Variants in HHLA2 observed in about 807,000 individuals in gnomAD.
The protein encoded by HHLA2 is HHLA2 member of B7 family, also known as HERV-H LTR-associating protein 2.
A neutral mutation model predicts 45.9 loss-of-function variants in HHLA2; 48 were observed. The observed-to-expected ratio is 1.05, with a 90% CI of 0.83 to 1.33. HHLA2 has a LOEUF of 1.33. HHLA2 is among the 40% of genes most tolerant of loss of function. HHLA2 has a pLI of 0.00. For synonymous variants in HHLA2, 161 were observed against 173.9 expected, an observed-to-expected ratio of 0.93 and a Z score of 0.59; for missense variants, 462 against 494.3, an observed-to-expected ratio of 0.93 and a Z score of 0.62.
chr3:108,301,814 C>G (rs2080853785), intron 1 of HHLA2, among the ~76,000 whole-genome samples: 1 of 152,126 alleles, frequency 6.6e-6, no homozygotes, highest in Non-Finnish European at 1.5e-5. Flanking sequence ...TCACTTCTTC[C>G]TGCTTGCTAC....
chr3:108,305,279 G>A (rs1349115447), intron 1 of HHLA2, among the ~76,000 whole-genome samples: 1 of 152,160 alleles, frequency 6.6e-6, no homozygotes, highest in African/African-American at 2.4e-5. Flanking sequence ...GCAAGGCAAG[G>A]GAAGATGGGC....
chr3:108,340,874 G>T (rs2081553319), intron 3 of HHLA2, among the ~76,000 whole-genome samples: 1 of 144,200 alleles, frequency 6.9e-6, no homozygotes, highest in African/African-American at 2.6e-5. Context: ...GTCCTGGAGA[G>T]TAAAATAGCC....
At chr3:108,377,841 T>A (rs2082301001) in exon 11 of HHLA2, 1 of 152,456 alleles carries the variant, frequency 6.6e-6, no homozygotes, top group African/African-American at 2.4e-5. Context: ...ATCTTTAAGA[T>A]TGCTAGGGAA....
intron 2 of HHLA2, among the ~76,000 whole-genome samples, chr3:108,311,577 G>T (rs1036223297): frequency 1.3e-5 from 2 of 152,070 alleles, no homozygotes; most frequent in Non-Finnish European, 2.9e-5. Flanking sequence ...TCTAGAAAAA[G>T]CTTATCCCTT....
At chr3:108,337,378 T>C (rs1342777388) in intron 3 of HHLA2, among the ~76,000 whole-genome samples, 1 of 152,168 alleles carries the variant, frequency 6.6e-6, no homozygotes, top group Admixed American at 6.5e-5. Flanking sequence ...TTGTGAAATA[T>C]ATTGTAACTC....
intron 2 of HHLA2, among the ~76,000 whole-genome samples, chr3:108,314,299 G>C (rs1467819614): frequency 6.7e-6 from 1 of 149,946 alleles, no homozygotes; most frequent in Admixed American, 6.7e-5. Context: ...ACTTAATCTT[G>C]TCAGCAGGAG....
At chr3:108,376,520 G>A (rs768241814) in exon 10 of HHLA2, 26 of 1,612,054 alleles carry the variant, frequency 1.6e-5, no homozygotes, top group Middle Eastern at 1.6e-4. Flanking sequence ...CCTGGTGAGC[G>A]CTGTCCCAGT....
intron 2 of HHLA2, among the ~76,000 whole-genome samples, chr3:108,311,619 A>T (rs2081019638): frequency 6.6e-6 from 1 of 152,216 alleles, no homozygotes; most frequent in Admixed American, 6.5e-5. Flanking sequence ...ATTGGGCACA[A>T]GAAAGGAGTG....
In HHLA2 at chr3:108,307,853, C is replaced by CT. The variant is rs1024706435; in HGVS notation, c.-191-2793dup. Among the ~76,000 whole-genome samples the CT allele has an allele frequency of 3.6e-4, 55 of 150,964 alleles. 1 individual carries two copies. In the South Asian group the frequency reaches 4.0e-3, roughly 11 times the overall value. ...ACCACAATGCATTTAGTAATTAGGT[C>CT]TTTTTTTTTATTTTCAATTTTAATT... On this transcript the variant is annotated intron_variant, in intron 1 of 10. Coordinates refer to ENST00000619531, the Ensembl canonical transcript of HHLA2.
intron 2 of HHLA2, among the ~76,000 whole-genome samples, chr3:108,321,050 C>T (rs2081190645): frequency 6.9e-6 from 1 of 144,412 alleles, no homozygotes; most frequent in Non-Finnish European, 1.5e-5. Context: ...TCACTAGATT[C>T]GTATCCGGGC....
intron 8 of HHLA2, among the ~76,000 whole-genome samples, chr3:108,370,104 G>A (rs1431192462): frequency 1.3e-5 from 2 of 152,184 alleles, no homozygotes; most frequent in Admixed American, 1.3e-4. Context: ...GTACTCCTCT[G>A]AGACAAAACT....
chr3:108,322,530 G>A (rs911636403), intron 2 of HHLA2, among the ~76,000 whole-genome samples: 17 of 152,254 alleles, frequency 1.1e-4, no homozygotes, highest in African/African-American at 4.1e-4. Flanking sequence ...GAGCAAGTTG[G>A]TAAGAAAGCT....
chr3:108,353,501 A>G (rs1199401912), exon 5 of HHLA2: 6 of 1,610,120 alleles, frequency 3.7e-6, no homozygotes, highest in Non-Finnish European at 5.1e-6. Context: ...TGATGAAGAT[A>G]TAATTCTCCC....
chr3:108,376,764 A>G (rs2082283233), intron 10 of HHLA2: 3 of 474,130 alleles, frequency 6.3e-6, no homozygotes, highest in Non-Finnish European at 1.1e-5. Context: ...ACTTGCTTAA[A>G]TACATGGTTG....
At position 108,377,439 on chromosome 3, in the gene HHLA2, C is replaced by T. The variant is rs889061259; in HGVS notation, c.*161C>T. ...ATTTTCTGGTATCACATTTATTTTT[C>T]AAGACATACTTTTCAAGACATCATT... On this transcript the variant is annotated 3_prime_UTR_variant, in exon 11 of 11. Transcript: ENST00000619531. 4 of 607,858 alleles carry T rather than the reference C, an allele frequency of 6.6e-6. No homozygotes were observed. In the African/African-American group the frequency reaches 7.4e-5, roughly 11 times the overall value. The allele number at this position is 607,858 out of a possible 1,614,324, so 37.7% of individuals were successfully genotyped here. A position where few individuals can be genotyped will look rare whatever the true frequency, so the allele number is the denominator to read the frequency against.
At chr3:108,316,100 GA>G (rs1054206397) in intron 2 of HHLA2, among the ~76,000 whole-genome samples, 1 of 146,130 alleles carries the variant, frequency 6.8e-6, no homozygotes, top group African/African-American at 2.5e-5. Context: ...AAAAAAAAAT[GA>G]AAAAAAAAGA....
chr3:108,364,106 A>ATACAT (rs1182706431), intron 8 of HHLA2, among the ~76,000 whole-genome samples: 1 of 151,374 alleles, frequency 6.6e-6, no homozygotes, highest in Non-Finnish European at 1.5e-5. Context: ...TAAGCACCAC[A>ATACAT]TACATTAGGT....
At chr3:108,296,720 C>G (rs983672508) in intron 1 of HHLA2, 121 bp downstream of exon 1, 2 of 152,170 alleles carry the variant, frequency 1.3e-5, no homozygotes. Context: ...AGTGACTGAT[C>G]TTTTAAATTG....
At chr3:108,353,858 G>C (rs140998419) in intron 5 of HHLA2, 78 bp downstream of exon 4, 1,091 of 989,422 alleles carry the variant, frequency 1.1e-3, no homozygotes, top group Non-Finnish European at 1.5e-3. Context: ...TTCCTAATAT[G>C]CCATGAGCTT....
Sources: allele counts gnomAD v4.1 joint callset (sites outside exome capture counted in the v4.1 genomes callset), GRCh38; gene constraint gnomAD v4.1.1; transcripts MANE v1.5; gene names NCBI Gene and HGNC (gene_info 2026-07-23, HGNC 2026-07-21).